Variants in GREB1L observed in about 807,000 individuals in gnomAD.
GREB1L encodes GREB1-like protein.
GREB1L carries 17 observed loss-of-function variants against 200.8 expected under a neutral mutation model. The observed-to-expected ratio is 0.08, with a 90% CI of 0.06 to 0.13. The LOEUF is 0.13. GREB1L is among the 10% of genes least tolerant of loss of function. The probability of loss-of-function intolerance (pLI) is 1.00; values close to 1 mark genes in which losing one functional copy is unlikely to be tolerated. For synonymous variants in GREB1L, 789 were observed against 893.0 expected, an observed-to-expected ratio of 0.88 and a Z score of 2.08; for missense variants, 1,657 against 2,367.7, an observed-to-expected ratio of 0.70 and a Z score of 6.23.
chr18:21,249,636 C>T (rs938825683), intron 1 of GREB1L, among the ~76,000 whole-genome samples: 4 of 152,008 alleles, frequency 2.6e-5, no homozygotes, highest in African/African-American at 7.2e-5. Context: ...CGGTGGATCA[C>T]CTGAGGTCAG....
chr18:21,520,739 G>A lies in GREB1L; in HGVS notation c.5524G>A (p.Glu1842Lys). 6.4e-6 allele frequency: 10 copies of A among 1,551,320 alleles called. No homozygotes were observed. Among genetic ancestry groups the A allele is most frequent in the Non-Finnish European group, 8.7e-6 (10 of 1,146,758 alleles). ...ACCCCACTCCAGCAATGTCAACTGT[G>A]AAGGGGTGTTTTTCAGTGGACTCCT... Reference protein sequence around the residue: ...SRPHSSNVNCEGVFFSGLLLY... With the variant: ...SRPHSSNVNCKGVFFSGLLLY... The change falls in exon 32 of 33, where the codon GAA becomes AAA. Residue 1842 changes from glutamate (E) to lysine (K), a missense_variant. Transcript: ENST00000424526.
chr18:21,317,290 AC>A (rs2038886108), intron 1 of GREB1L, among the ~76,000 whole-genome samples: 1 of 151,788 alleles, frequency 6.6e-6, no homozygotes, highest in African/African-American at 2.4e-5. Flanking sequence ...AAAATTGCAA[AC>A]TCATTATACA....
intron 10 of GREB1L, among the ~76,000 whole-genome samples, chr18:21,441,820 A>G (rs1162741470): frequency 6.6e-6 from 1 of 152,196 alleles, no homozygotes; most frequent in Non-Finnish European, 1.5e-5. Flanking sequence ...CGATACCATT[A>G]TAGCACACTG....
chr18:21,336,204 A>G (rs2039183096), intron 1 of GREB1L, among the ~76,000 whole-genome samples: 1 of 152,192 alleles, frequency 6.6e-6, no homozygotes, highest in African/African-American at 2.4e-5. Flanking sequence ...AAGAAAAGCC[A>G]TTCCCTGAGT....
Position 21,523,595 on chromosome 18 carries a change from AT to A in GREB1L, c.*776del, listed in dbSNP as rs528457183. 6.6e-6 allele frequency: 1 copy of A among 152,326 alleles called. No individual in the cohort carries two copies. The highest frequency in any genetic ancestry group is 1.5e-5 in the Non-Finnish European group (1 of 68,028). The allele number at this position is 152,326 out of a possible 1,614,324, so 9.4% of individuals were successfully genotyped here. A position where few individuals can be genotyped will look rare whatever the true frequency, so the allele number is the denominator to read the frequency against. On this transcript the variant is annotated 3_prime_UTR_variant, in exon 33 of 33. Transcript: ENST00000424526. Reference sequence around the variant, plus strand: ...TTATCTATGAGACTATGGAACAGTGATTAATCTTTTGCAAGAACTTAAGTCA... The same window carrying A: ...TTATCTATGAGACTATGGAACAGTGATAATCTTTTGCAAGAACTTAAGTCA...
At chr18:21,429,273 C>CTCTCT (rs2032951989) in intron 7 of GREB1L, among the ~76,000 whole-genome samples, 1 of 119,680 alleles carries the variant, frequency 8.4e-6, no homozygotes, top group African/African-American at 3.2e-5. Context: ...CTCTCCTCTC[C>CTCTCT]TCTCCTCTCC....
Position 21,499,872 on chromosome 18 carries a change from G to A in GREB1L, c.3535G>A (p.Gly1179Arg), listed in dbSNP as rs747410695. Reference protein sequence around the residue: ...VSASSAGAGAGETLKQECDSL... With the variant: ...VSASSAGAGARETLKQECDSL... ...CGCCAGCTCAGCTGGAGCCGGAGCC[G>A]GGGAGACTCTGAAGCAGGAATGTGA... is the stretch of plus-strand genomic sequence containing the variant. The change falls in exon 22 of 33, where the codon GGG becomes AGG. Residue 1179 changes from glycine (G) to arginine (R), a missense_variant. Around this residue, in one of 9 missense-constraint regions of GREB1L, gnomAD observed 512 missense variants for 668.3 expected, o/e 0.77. Coordinates refer to ENST00000424526, the MANE Select transcript of GREB1L (RefSeq NM_001142966.3). 2.5e-5 allele frequency: 39 copies of A among 1,550,548 alleles called. No individual in the cohort carries two copies. The highest frequency in any genetic ancestry group is 4.8e-5 in the South Asian group (4 of 83,946).
intron 14 of GREB1L, 127 bp downstream of exon 14, chr18:21,452,344 A>G (rs1307653076): frequency 5.5e-6 from 5 of 902,432 alleles, no homozygotes; most frequent in Non-Finnish European, 6.6e-6. Context: ...CTGATTGTCT[A>G]CATGATAAAC....
chr18:21,369,312 T>C (rs1428512767), intron 2 of GREB1L, among the ~76,000 whole-genome samples: 5 of 152,204 alleles, frequency 3.3e-5, no homozygotes, highest in Admixed American at 3.3e-4. Context: ...TTCTGGATTA[T>C]TGACTGTTCT....
chr18:21,406,463 T>C (rs974662637), intron 7 of GREB1L, among the ~76,000 whole-genome samples: 2 of 152,246 alleles, frequency 1.3e-5, no homozygotes, highest in African/African-American at 4.8e-5. Flanking sequence ...GAAAGTGCCT[T>C]TATAAGTGAT....
chr18:21,338,063 A>G (rs1337105661), intron 1 of GREB1L, among the ~76,000 whole-genome samples: 1 of 152,190 alleles, frequency 6.6e-6, no homozygotes, highest in African/African-American at 2.4e-5. Flanking sequence ...TAAGCATCCC[A>G]TTTAATAATT....
At chr18:21,335,537 T>G (rs1384712190) in intron 1 of GREB1L, among the ~76,000 whole-genome samples, 1 of 152,250 alleles carries the variant, frequency 6.6e-6, no homozygotes, top group Non-Finnish European at 1.5e-5. Context: ...TCTATCACAC[T>G]GCTTCTTATA....
intron 29 of GREB1L, 60 bp from the exon 30 acceptor site, chr18:21,516,553 A>G: frequency 2.0e-6 from 3 of 1,470,908 alleles, no homozygotes; most frequent in Non-Finnish European, 2.8e-6. Flanking sequence ...TTCTCTGTGT[A>G]TAGTTATCAT....
chr18:21,481,469 GTGTGTGTGTA>G (rs1447554978), intron 17 of GREB1L, among the ~76,000 whole-genome samples: 15 of 108,670 alleles, frequency 1.4e-4, no homozygotes, highest in African/African-American at 5.4e-4. Context: ...GTGTGTGTGT[GTGTGTGTGTA>G]TATATATATA....
Position 21,522,672 on chromosome 18 carries a change from G to A in GREB1L, c.5623G>A (p.Val1875Ile). 6.4e-7 allele frequency: 1 copy of A among 1,551,542 alleles called. No homozygotes were observed. Among genetic ancestry groups the A allele is most frequent in the Non-Finnish European group, 8.7e-7 (1 of 1,146,926 alleles). ...FKFLKGATLC[V>I]ICQDRSSLRQ... The stretch of plus-strand genomic sequence containing the variant: ...TTTTCCTGAAGGTGCTACACTGTGT[G>A]TCATCTGCCAAGACAGAAGTTCCTT... Residue 1875 changes from valine (V) to isoleucine (I), a missense_variant, in exon 33 of 33, where the codon GTC becomes ATC. Around this residue, in one of 9 missense-constraint regions of GREB1L, gnomAD observed 190 missense variants for 230.2 expected, o/e 0.83. Coordinates refer to ENST00000424526, the MANE Select transcript of GREB1L (RefSeq NM_001142966.3).
rs560364546 is a variant in GREB1L, at chr18:21,476,029, A to G, written c.2364-1135A>G. ...AATATGGATCCATATTTGCTCCCAG[A>G]TCAAATTCTAGTAATTATCTGGTAG... On this transcript the variant is annotated intron_variant, in intron 16 of 32. Coordinates refer to ENST00000424526, the MANE Select transcript of GREB1L (RefSeq NM_001142966.3). 6.7e-5 allele frequency among the ~76,000 whole-genome samples: 10 copies of G among 149,082 alleles called. No homozygotes were observed. In the South Asian group the frequency reaches 2.2e-3, roughly 32 times the overall value.
Position 21,453,909 on chromosome 18 carries a change from G to A in GREB1L, c.1985-457G>A, listed in dbSNP as rs541460084. On this transcript the variant is annotated intron_variant, in intron 14 of 32. Coordinates refer to ENST00000424526, the MANE Select transcript of GREB1L (RefSeq NM_001142966.3). ...CTGTAGTGCCTTCCAGAAAAGCTCA[G>A]GGGAACTCAGCATCATGATCATTAT... is the stretch of plus-strand genomic sequence containing the variant. 9.2e-5 allele frequency among the ~76,000 whole-genome samples: 14 copies of A among 152,336 alleles called. No individual in the cohort carries two copies. In the South Asian group the frequency reaches 2.9e-3, roughly 32 times the overall value.
In GREB1L at chr18:21,252,532, G is replaced by A. The variant is rs1342657558; in HGVS notation, c.-120+10139G>A. Among the ~76,000 whole-genome samples the A allele has an allele frequency of 6.1e-5, 9 of 146,616 alleles. No homozygotes were observed. The East Asian group carries it at 1.8e-3, about 30-fold the overall frequency. ...AGATCGCACCATTGCACTCCAGCCT[G>A]GGCAACAAGAGTGAAACTCCATCTG... On this transcript the variant is annotated intron_variant, in intron 1 of 32. Transcript: ENST00000424526.
chr18:21,327,776 G>A (rs1472079800), intron 1 of GREB1L, among the ~76,000 whole-genome samples: 29 of 151,826 alleles, frequency 1.9e-4, no homozygotes, highest in Non-Finnish European at 2.8e-4. Flanking sequence ...CAGTGGCTGC[G>A]ATCTCGGCTC....
Sources: allele counts gnomAD v4.1 joint callset (sites outside exome capture counted in the v4.1 genomes callset), GRCh38; gene constraint gnomAD v4.1.1; regional missense constraint gnomAD v4.1.1; transcripts MANE v1.5; gene names NCBI Gene and HGNC (gene_info 2026-07-23, HGNC 2026-07-21).